DNMBP: variants seen among roughly 807,000 people sequenced by gnomAD.
The protein encoded by DNMBP is dynamin binding protein.
In DNMBP, 87 loss-of-function variants were observed where a neutral mutation model predicts 150.0. The ratio of observed to expected loss-of-function variants is 0.58; its 90% CI spans 0.49 to 0.69. The LOEUF is 0.69. DNMBP is among the 30% of genes least tolerant of loss of function. The pLI is 0.00. For missense variants in DNMBP, 1,774 were observed against 1,949.0 expected, an observed-to-expected ratio of 0.91 and a Z score of 1.69; for synonymous variants, 711 against 750.4, an observed-to-expected ratio of 0.95 and a Z score of 0.86.
intron 4 of DNMBP, among the ~76,000 whole-genome samples, chr10:99,923,871 C>T (rs536943028): frequency 5.9e-5 from 9 of 151,594 alleles, no homozygotes; most frequent in Admixed American, 3.3e-4. Flanking sequence ...ACTGGTCTTT[C>T]GGCTGGGCAT....
At chr10:99,887,809 T>C (rs1371683708) in intron 12 of DNMBP, among the ~76,000 whole-genome samples, 1 of 152,130 alleles carries the variant, frequency 6.6e-6, no homozygotes, top group East Asian at 1.9e-4. Context: ...TCTCAAGAAA[T>C]TTGGTCTTCA....
At chr10:99,925,127 A>G (rs887797502) in intron 4 of DNMBP, among the ~76,000 whole-genome samples, 2 of 151,984 alleles carry the variant, frequency 1.3e-5, no homozygotes, top group Non-Finnish European at 2.9e-5. Context: ...GACTTTCCTA[A>G]CACTTTTTTT....
At position 99,888,894 on chromosome 10, in the gene DNMBP, T is replaced by C. The variant is rs1452878591; in HGVS notation, c.3216A>G (p.Arg1072=). 1.8e-5 allele frequency: 29 copies of C among 1,614,012 alleles called. No individual in the cohort carries two copies. The highest frequency in any genetic ancestry group is 1.9e-5 in the Non-Finnish European group (22 of 1,180,024). The change falls in exon 12 of 17, where the codon AGA becomes AGG. Residue 1072 remains arginine, a synonymous_variant. Transcript: ENST00000324109. ...AVSMWDVCME[R]GHRDLEQFER... ...CAAACTGCTCCAGGTCCCGGTGTCC[T>C]CTCTCCATGCACACATCCCACATGC...
chr10:99,900,184 T>C (rs928747000), intron 6 of DNMBP, 118 bp from the exon 7 acceptor site: 5 of 927,718 alleles, frequency 5.4e-6, no homozygotes, highest in African/African-American at 3.3e-5. Context: ...CAAGAAATGA[T>C]ACTAAGACTA....
At chr10:99,894,169 C>T (rs2133218157) in intron 11 of DNMBP, among the ~76,000 whole-genome samples, 1 of 152,184 alleles carries the variant, frequency 6.6e-6, no homozygotes, top group East Asian at 1.9e-4. Flanking sequence ...GTCCCAGCCA[C>T]TGAGGTGGGA....
rs776464709 is a variant in DNMBP at position 99,886,315 on chromosome 10, T to A, written c.3603A>T (p.Leu1201Phe). Residue 1201 changes from leucine to phenylalanine, a missense_variant, in exon 13 of 17, where the codon TTA becomes TTT. By Grantham distance (22) the Leu-to-Phe change is conservative. Coordinates refer to ENST00000324109, the MANE Select transcript of DNMBP (RefSeq NM_015221.4). ...CDFVHQALEQ[L>F]KPLLSLLKVA... is the part of the protein sequence containing the mutation. The stretch of plus-strand genomic sequence containing the variant: ...AGAAACTCACCGAAAGCAGTGGCTT[T>A]AATTGCTCCAGAGCCTGGTGCACAA... The A allele has an allele frequency of 6.2e-7, 1 of 1,612,374 alleles. No individual in the cohort carries two copies. The highest frequency in any genetic ancestry group is 1.3e-5 in the African/African-American group (1 of 74,906).
intron 1 of DNMBP, among the ~76,000 whole-genome samples, chr10:99,992,526 G>GTT (rs1164839351): frequency 8.3e-4 from 107 of 129,584 alleles, no homozygotes; most frequent in African/African-American, 1.9e-3. Flanking sequence ...GAATCTAGGA[G>GTT]TTTTTTTTTT....
Position 99,882,560 on chromosome 10 carries a change from G to A in DNMBP, c.3997+1451C>T, listed in dbSNP as rs552402626. Among the ~76,000 whole-genome samples the A allele has an allele frequency of 3.2e-4, 48 of 152,184 alleles. 1 individual carries two copies. Among genetic ancestry groups the A allele is most frequent in the Non-Finnish European group, 1.3e-4 (9 of 68,004 alleles). On this transcript the variant is annotated intron_variant, in intron 15 of 16. Transcript: ENST00000324109. ...GATTGTGCCCCTACAATCCAGCCTG[G>A]GTGACAAAGCTAGACCCTATCTCAA... is the stretch of plus-strand genomic sequence containing the variant.
At chr10:99,912,479 C>G (rs2039912734) in intron 4 of DNMBP, among the ~76,000 whole-genome samples, 1 of 152,048 alleles carries the variant, frequency 6.6e-6, no homozygotes, top group African/African-American at 2.4e-5. Flanking sequence ...GCGTGCCTTC[C>G]CCTGTGCCCC....
chr10:99,974,426 G>C (rs562940197), intron 1 of DNMBP, among the ~76,000 whole-genome samples: 18 of 152,254 alleles, frequency 1.2e-4, no homozygotes, highest in African/African-American at 4.1e-4. Context: ...AATCAGCCTT[G>C]ATGACAGCTA....
At position 99,885,684 on chromosome 10, in the gene DNMBP, C is replaced by T; in HGVS notation, c.3798+3G>A. On this transcript the variant is annotated splice_donor_region_variant and intron_variant, in intron 14 of 16. Transcript: ENST00000324109. ...GGGCTGCTGCTCTCAGTTCCCTACT[C>T]ACCAGGCCCAGGAGTGGCTTTCGAG... 1 of 1,559,186 alleles carries T rather than the reference C, an allele frequency of 6.4e-7. No homozygotes were observed. The highest frequency in any genetic ancestry group is 8.7e-7 in the Non-Finnish European group (1 of 1,150,428).
intron 4 of DNMBP, among the ~76,000 whole-genome samples, chr10:99,934,121 A>G (rs1188120392): frequency 6.6e-6 from 1 of 152,170 alleles, no homozygotes; most frequent in Non-Finnish European, 1.5e-5. Context: ...CCAAGACCCT[A>G]TTTTTGGGGA....
intron 4 of DNMBP, among the ~76,000 whole-genome samples, chr10:99,924,915 T>C (rs952013268): frequency 6.6e-6 from 1 of 152,232 alleles, no homozygotes; most frequent in Non-Finnish European, 1.5e-5. Context: ...CAGCAATTAC[T>C]GTCCCAACTT....
intron 4 of DNMBP, among the ~76,000 whole-genome samples, chr10:99,954,025 G>A (rs146933272): frequency 2.6e-5 from 4 of 151,774 alleles, no homozygotes; most frequent in East Asian, 1.9e-4. Flanking sequence ...ATGTGTCTCC[G>A]AGGTATGAGA....
rs2039843153 is a variant in DNMBP at position 99,907,636 on chromosome 10, T to A, written c.2554+359A>T. Among the ~76,000 whole-genome samples, 3 of 152,138 alleles carry A rather than the reference T, an allele frequency of 2.0e-5. No individual in the cohort carries two copies. In the South Asian group the frequency reaches 6.2e-4, roughly 32 times the overall value. On this transcript the variant is annotated intron_variant, in intron 6 of 16. Transcript: ENST00000324109. Reference sequence around the variant, plus strand: ...ATCTCAAACTCCTGACCTCAGGTGATCCTCTTGCCATGGCCTCCCAAAGTG... The same window carrying A: ...ATCTCAAACTCCTGACCTCAGGTGAACCTCTTGCCATGGCCTCCCAAAGTG...
intron 12 of DNMBP, among the ~76,000 whole-genome samples, chr10:99,887,701 C>T (rs2039491437): frequency 6.6e-6 from 1 of 152,148 alleles, no homozygotes; most frequent in Non-Finnish European, 1.5e-5. Context: ...ATGTCTTTTT[C>T]ACCCTCAGGC....
At position 99,955,425 on chromosome 10, in the gene DNMBP, C is replaced by A; in HGVS notation, c.2049G>T (p.Arg683Ser). 1 of 1,613,770 alleles carries A rather than the reference C, an allele frequency of 6.2e-7. No individual in the cohort carries two copies. Among genetic ancestry groups the A allele is most frequent in the Middle Eastern group, 1.7e-4 (1 of 6,058 alleles). Residue 683 changes from arginine (R) to serine (S), a missense_variant, in exon 4 of 17, where the codon AGG becomes AGT. Coordinates refer to ENST00000324109, the MANE Select transcript of DNMBP (RefSeq NM_015221.4). ...LEKEGPGHMG[R>S]SLDQTSPCPL... ...GGCATGGGGAGGTCTGGTCCAGACTCCTTCCCATATGACCAGGGCCCTCCT... is the reference window on the plus strand; with the variant it reads ...GGCATGGGGAGGTCTGGTCCAGACTACTTCCCATATGACCAGGGCCCTCCT...
chr10:100,004,395 T>G (rs1031962770), intron 1 of DNMBP, among the ~76,000 whole-genome samples: 1 of 152,060 alleles, frequency 6.6e-6, no homozygotes. Context: ...GTGCCAGTCA[T>G]TAGGACATAC....
intron 6 of DNMBP, among the ~76,000 whole-genome samples, chr10:99,901,821 G>A (rs2039743349): frequency 6.6e-6 from 1 of 152,166 alleles, no homozygotes; most frequent in African/African-American, 2.4e-5. Flanking sequence ...CCTCCCCTCA[G>A]GGAGCCTATC....
Sources: gnomAD v4.1 joint callset for allele counts (sites outside exome capture counted in the v4.1 genomes callset) on GRCh38, gnomAD v4.1.1 for gene constraint, MANE v1.5 for transcripts, NCBI Gene and HGNC (gene_info 2026-07-23, HGNC 2026-07-21) for gene names.